Variants in MORC1 observed in about 807,000 individuals in gnomAD.
The protein encoded by MORC1 is MORC family CW-type zinc finger protein 1.
MORC1 carries 59 observed loss-of-function variants against 134.9 expected under a neutral mutation model. The observed-to-expected ratio is 0.44, with a 90% confidence interval of 0.35 to 0.54. The LOEUF is 0.54. Among genes scored for constraint, MORC1 ranks in the 20% least tolerant of loss-of-function variants. The pLI is 0.00. For synonymous variants in MORC1, 395 were observed against 391.7 expected, an observed-to-expected ratio of 1.01 and a Z score of -0.10; for missense variants, 947 against 1,134.5, an observed-to-expected ratio of 0.83 and a Z score of 2.37.
intron 8 of MORC1, among the ~76,000 whole-genome samples, chr3:109,081,727 A>T (rs1258961976): frequency 1.3e-5 from 2 of 152,190 alleles, no homozygotes; most frequent in African/African-American, 4.8e-5. Context: ...TGCTGGGATT[A>T]CAGGCGTGAG....
intron 8 of MORC1, among the ~76,000 whole-genome samples, chr3:109,084,319 C>A (rs891274429): frequency 1.3e-5 from 2 of 151,988 alleles, no homozygotes; most frequent in Admixed American, 1.3e-4. Context: ...TGGCAGAATA[C>A]AAAAGCTGCA....
chr3:109,110,810 C>T (rs1465832697), intron 2 of MORC1, 27 bp from the exon 3 acceptor site: 1 of 1,556,034 alleles, frequency 6.4e-7, no homozygotes, highest in East Asian at 2.3e-5. Flanking sequence ...AATATTATTT[C>T]TTCAATATGA....
chr3:109,074,886 C>T (rs1229563337), intron 8 of MORC1, among the ~76,000 whole-genome samples: 1 of 152,080 alleles, frequency 6.6e-6, no homozygotes, highest in Non-Finnish European at 1.5e-5. Context: ...AAACAGCTTC[C>T]ATATGAAGTA....
intron 25 of MORC1, among the ~76,000 whole-genome samples, chr3:108,970,607 T>A (rs1208099898): frequency 1.3e-5 from 2 of 152,196 alleles, no homozygotes; most frequent in Non-Finnish European, 2.9e-5. Flanking sequence ...ATTTGTGCTA[T>A]TTTCACCAAT....
intron 12 of MORC1, among the ~76,000 whole-genome samples, chr3:109,058,725 C>T (rs191494833): frequency 6.6e-6 from 1 of 152,010 alleles, no homozygotes; most frequent in Admixed American, 6.6e-5. Flanking sequence ...AAAGGATATT[C>T]AACAAAAGTA....
At chr3:109,097,555 G>A (rs1428949361) in intron 6 of MORC1, among the ~76,000 whole-genome samples, 1 of 152,156 alleles carries the variant, frequency 6.6e-6, no homozygotes, top group Non-Finnish European at 1.5e-5. Context: ...GGCAAGGGCA[G>A]ATCACAGGAT....
Position 108,971,520 on chromosome 3 carries a change from T to C in MORC1, c.2478-118A>G, listed in dbSNP as rs1947379317. 12 of 794,994 alleles carry C rather than the reference T, an allele frequency of 1.5e-5. No individual in the cohort carries two copies. The South Asian group carries it at 1.6e-4, about 10-fold the overall frequency. 49.2% of individuals were successfully genotyped at this position (794,994 alleles called of 1,614,324 possible). A position where few individuals can be genotyped will look rare whatever the true frequency, so the allele number is the denominator to read the frequency against. On this transcript the variant is annotated intron_variant, in intron 24 of 27. Transcript: ENST00000232603. ...ATATCCTGGCAAAGATGAACATTAG[T>C]TCCCCCCAAACATTTTGTTTTTATC...
At chr3:108,995,957 T>C (rs915666436) in intron 21 of MORC1, among the ~76,000 whole-genome samples, 7 of 152,138 alleles carry the variant, frequency 4.6e-5, no homozygotes, top group Non-Finnish European at 7.4e-5. Context: ...CCAAGTGGAA[T>C]GGGGTGATTG....
intron 22 of MORC1, among the ~76,000 whole-genome samples, chr3:108,985,024 T>C (rs1947859386): frequency 6.6e-6 from 1 of 152,180 alleles, no homozygotes; most frequent in Non-Finnish European, 1.5e-5. Flanking sequence ...TTTTTTTTGG[T>C]AATTTTTAAA....
chr3:108,995,122 G>A (rs73202713), intron 21 of MORC1, among the ~76,000 whole-genome samples: 1 of 152,160 alleles, frequency 6.6e-6, no homozygotes, highest in Non-Finnish European at 1.5e-5. Context: ...AGTTTGCCTG[G>A]AGTAAAGTTG....
intron 27 of MORC1, among the ~76,000 whole-genome samples, chr3:108,959,999 AG>A (rs1262782973): frequency 2.0e-5 from 3 of 152,196 alleles, no homozygotes; most frequent in African/African-American, 7.2e-5. Context: ...ATAACAGAGA[AG>A]GATGAGATTA....
chr3:109,102,998 G>A (rs148823237), intron 4 of MORC1, among the ~76,000 whole-genome samples: 2 of 152,202 alleles, frequency 1.3e-5, no homozygotes, highest in East Asian at 3.9e-4. Flanking sequence ...AGACCAAGGG[G>A]AAACTTCAGA....
intron 20 of MORC1, among the ~76,000 whole-genome samples, chr3:109,003,727 A>T (rs985862030): frequency 6.6e-6 from 1 of 152,136 alleles, no homozygotes; most frequent in Non-Finnish European, 1.5e-5. Context: ...TCAACAAAAA[A>T]CCTGAAATTC....
intron 21 of MORC1, among the ~76,000 whole-genome samples, chr3:108,996,277 C>CGTGT (rs1559879991): frequency 1.6e-5 from 2 of 127,572 alleles, no homozygotes; most frequent in African/African-American, 2.7e-5. Flanking sequence ...CGCGTGCGTG[C>CGTGT]GCGCGCGCGC....
At chr3:109,015,969 T>C (rs1006828576) in intron 17 of MORC1, among the ~76,000 whole-genome samples, 2 of 152,192 alleles carry the variant, frequency 1.3e-5, no homozygotes, top group African/African-American at 2.4e-5. Context: ...ATATATATAA[T>C]TAGTTATCTA....
chr3:109,101,464 T>C (rs1044064021), intron 4 of MORC1: 10 of 152,372 alleles, frequency 6.6e-5, no homozygotes, highest in Middle Eastern at 3.4e-3. Context: ...ATGTTCTTCT[T>C]GTTGGCCTAC....
intron 8 of MORC1, among the ~76,000 whole-genome samples, chr3:109,070,112 G>A (rs977180960): frequency 3.3e-5 from 5 of 152,056 alleles, no homozygotes; most frequent in African/African-American, 4.8e-5. Flanking sequence ...ACAATCCCTC[G>A]TTCAAACATA....
chr3:109,040,805 G>A (rs1431095521), intron 14 of MORC1, among the ~76,000 whole-genome samples: 3 of 134,354 alleles, frequency 2.2e-5, no homozygotes, highest in Non-Finnish European at 4.6e-5. Context: ...ACTCCAGACT[G>A]GCTGACAGAG....
At chr3:109,058,262 TTC>T (rs1950006238) in intron 12 of MORC1, among the ~76,000 whole-genome samples, 1 of 152,184 alleles carries the variant, frequency 6.6e-6, no homozygotes, top group African/African-American at 2.4e-5. Flanking sequence ...CTCTTAAACT[TTC>T]TGTCTCATTT....
Sources: allele counts gnomAD v4.1 joint callset (sites outside exome capture counted in the v4.1 genomes callset), GRCh38; gene constraint gnomAD v4.1.1; transcripts MANE v1.5; gene names NCBI Gene and HGNC (gene_info 2026-07-23, HGNC 2026-07-21).